UNC5D: variants seen among roughly 807,000 people sequenced by gnomAD.
UNC5D encodes unc-5 netrin receptor D.
UNC5D carries 39 observed loss-of-function variants against 105.4 expected under a neutral mutation model. The observed-to-expected ratio is 0.37, with a 90% CI of 0.29 to 0.48. UNC5D has a LOEUF of 0.48. UNC5D is among the 20% of genes least tolerant of loss of function. The pLI is 0.98. For missense variants in UNC5D, 991 were observed against 1,202.4 expected, an observed-to-expected ratio of 0.82 and a Z score of 2.60; for synonymous variants, 452 against 450.4, an observed-to-expected ratio of 1.00 and a Z score of -0.04.
At chr8:35,299,520 GT>G (rs1417686471) in intron 1 of UNC5D, among the ~76,000 whole-genome samples, 1 of 152,104 alleles carries the variant, frequency 6.6e-6, no homozygotes, top group Non-Finnish European at 1.5e-5. Flanking sequence ...TGGAGGTTGT[GT>G]TAGAGTAAAA....
chr8:35,478,264 T>C (rs1810251307), intron 1 of UNC5D, among the ~76,000 whole-genome samples: 1 of 152,156 alleles, frequency 6.6e-6, no homozygotes. Context: ...CATCAGAAAG[T>C]CAACACAGTG....
At position 35,774,496 on chromosome 8, in the gene UNC5D, T is replaced by C; in HGVS notation, c.2657+19T>C. ...TCAACAGGTAATTGGGGACAGCTTC[T>C]GGAAGACGATGTTACTAAGAGAACT... On this transcript the variant is annotated intron_variant, in intron 16 of 16. Coordinates refer to ENST00000404895, the MANE Select transcript of UNC5D (RefSeq NM_080872.4). 6.2e-7 allele frequency: 1 copy of C among 1,612,996 alleles called. No homozygotes were observed. The highest frequency in any genetic ancestry group is 8.5e-7 in the Non-Finnish European group (1 of 1,179,364).
chr8:35,781,120 ACAGGGTC>A (rs1802483643), intron 16 of UNC5D, among the ~76,000 whole-genome samples: 1 of 152,160 alleles, frequency 6.6e-6, no homozygotes, highest in South Asian at 2.1e-4. Context: ...GTGGATTTAT[ACAGGGTC>A]CAAAATTTAA....
chr8:35,575,508 T>G (rs1463062897), intron 3 of UNC5D, among the ~76,000 whole-genome samples: 1 of 152,136 alleles, frequency 6.6e-6, no homozygotes, highest in African/African-American at 2.4e-5. Context: ...GGAATGGAAG[T>G]TAGGAAGCAT....
intron 4 of UNC5D, among the ~76,000 whole-genome samples, chr8:35,662,853 C>A (rs576923184): frequency 1.3e-5 from 2 of 152,232 alleles, no homozygotes; most frequent in Non-Finnish European, 2.9e-5. Flanking sequence ...AAGAAGCAGG[C>A]GAGGGAGCAT....
At chr8:35,524,640 C>CAAAAAAA (rs113548648) in intron 1 of UNC5D, among the ~76,000 whole-genome samples, 20 of 70,102 alleles carry the variant, frequency 2.9e-4, no homozygotes, top group Admixed American at 7.0e-4. Context: ...ATGCCCTGTG[C>CAAAAAAA]AAAAAAAAAA....
At chr8:35,281,106 C>T (rs986205994) in intron 1 of UNC5D, among the ~76,000 whole-genome samples, 1 of 152,178 alleles carries the variant, frequency 6.6e-6, no homozygotes, top group Non-Finnish European at 1.5e-5. Flanking sequence ...CCTCAGATCT[C>T]GGTTCTGTGA....
intron 1 of UNC5D, among the ~76,000 whole-genome samples, chr8:35,355,627 C>T (rs1267626347): frequency 6.6e-6 from 1 of 152,096 alleles, no homozygotes; most frequent in African/African-American, 2.4e-5. Flanking sequence ...TTCTTTGGCT[C>T]TCTTACTGAT....
chr8:35,672,385 A>G (rs1586388876), intron 4 of UNC5D, among the ~76,000 whole-genome samples: 2 of 152,160 alleles, frequency 1.3e-5, no homozygotes, highest in African/African-American at 2.4e-5. Flanking sequence ...CTTATAATCT[A>G]TCTTAGAGAG....
At chr8:35,261,536 C>T (rs1401865154) in intron 1 of UNC5D, among the ~76,000 whole-genome samples, 1 of 151,266 alleles carries the variant, frequency 6.6e-6, no homozygotes, top group Non-Finnish European at 1.5e-5. Flanking sequence ...TAGAGCCAGC[C>T]AGAGCTATTT....
At chr8:35,611,010 C>CAAAAAAAAAAA (rs11314770) in intron 4 of UNC5D, among the ~76,000 whole-genome samples, 26 of 60,080 alleles carry the variant, frequency 4.3e-4, no homozygotes, top group Non-Finnish European at 5.3e-4. Flanking sequence ...GACAAAGAAG[C>CAAAAAAAAAAA]AAAAAAAAAA....
chr8:35,789,169 A>ATATATG lies in UNC5D; in HGVS notation c.2658-1185_2658-1184insGTATAT, dbSNP rs559562954. ...TATATATATATATATATATATATAT[A>ATATATG]TATATATATATATATATATGAGATA... is the stretch of plus-strand genomic sequence containing the variant. On this transcript the variant is annotated intron_variant, in intron 16 of 16. Coordinates refer to ENST00000404895, the MANE Select transcript of UNC5D (RefSeq NM_080872.4). 6.2e-4 allele frequency among the ~76,000 whole-genome samples: 60 copies of ATATATG among 96,096 alleles called. 2 individuals carry two copies. In the East Asian group the frequency reaches 0.013, roughly 20 times the overall value. 63.0% of individuals were successfully genotyped at this position (96,096 alleles called of 152,430 possible). A position where few individuals can be genotyped will look rare whatever the true frequency, so the allele number is the denominator to read the frequency against.
intron 2 of UNC5D, among the ~76,000 whole-genome samples, chr8:35,565,497 G>A (rs191449400): frequency 2.6e-5 from 4 of 152,222 alleles, no homozygotes; most frequent in Admixed American, 6.6e-5. Flanking sequence ...TTTGTGAGAT[G>A]TATAGTTTGC....
chr8:35,615,719 A>G (rs772852752), intron 4 of UNC5D, among the ~76,000 whole-genome samples: 6 of 151,970 alleles, frequency 3.9e-5, no homozygotes, highest in Non-Finnish European at 5.9e-5. Flanking sequence ...CATATTTTCT[A>G]ATTCTCTTCA....
At chr8:35,418,409 G>T (rs1266207774) in intron 1 of UNC5D, among the ~76,000 whole-genome samples, 1 of 152,044 alleles carries the variant, frequency 6.6e-6, no homozygotes, top group Admixed American at 6.6e-5. Flanking sequence ...ACATGTAAAG[G>T]CATTTTGAGC....
intron 1 of UNC5D, among the ~76,000 whole-genome samples, chr8:35,287,224 G>A (rs764811274): frequency 1.3e-5 from 2 of 152,072 alleles, no homozygotes; most frequent in Non-Finnish European, 2.9e-5. Flanking sequence ...GAAAAATCAG[G>A]CAACATGACA....
intron 1 of UNC5D, among the ~76,000 whole-genome samples, chr8:35,238,895 C>A (rs186769086): frequency 1.3e-5 from 2 of 152,264 alleles, no homozygotes; most frequent in Admixed American, 1.3e-4. Context: ...AATCTATAGT[C>A]ATTTCTACCT....
intron 4 of UNC5D, among the ~76,000 whole-genome samples, chr8:35,661,451 C>G (rs1824098451): frequency 6.6e-6 from 1 of 152,182 alleles, no homozygotes; most frequent in South Asian, 2.1e-4. Flanking sequence ...GCCCTGGTCT[C>G]AGGAGGGTTC....
At chr8:35,401,983 G>A (rs1296294298) in intron 1 of UNC5D, among the ~76,000 whole-genome samples, 1 of 152,118 alleles carries the variant, frequency 6.6e-6, no homozygotes, top group Non-Finnish European at 1.5e-5. Flanking sequence ...ATTGAGCCTG[G>A]ACAGCTTTTT....
Sources: allele counts gnomAD v4.1 joint callset (sites outside exome capture counted in the v4.1 genomes callset), GRCh38; gene constraint gnomAD v4.1.1; transcripts MANE v1.5; gene names NCBI Gene and HGNC (gene_info 2026-07-23, HGNC 2026-07-21).